Variants in SSBP3 observed in about 807,000 individuals in gnomAD.
The protein encoded by SSBP3 is single-stranded DNA-binding protein 3.
SSBP3 carries 5 observed loss-of-function variants against 69.6 expected under a neutral mutation model. That is an observed-to-expected ratio of 0.07 (90% CI 0.04 to 0.15). The LOEUF (loss-of-function observed/expected upper bound fraction) is 0.15, where lower values mean the gene tolerates loss of function less well. SSBP3 is among the 10% of genes least tolerant of loss of function. The pLI, the probability that SSBP3 is intolerant of heterozygous loss-of-function variation, is 1.00. For synonymous variants in SSBP3, 196 were observed against 193.4 expected, an observed-to-expected ratio of 1.01 and a Z score of -0.11; for missense variants, 312 against 534.0, an observed-to-expected ratio of 0.58 and a Z score of 4.10.
chr1:54,284,103 CTTTT>C (rs5774181), intron 4 of SSBP3, among the ~76,000 whole-genome samples: 24 of 87,568 alleles, frequency 2.7e-4, no homozygotes, highest in Middle Eastern at 8.1e-3. Flanking sequence ...TATTTAACCA[CTTTT>C]TTTTTTTTTT....
At chr1:54,339,305 T>C (rs1646565459) in intron 4 of SSBP3, among the ~76,000 whole-genome samples, 1 of 152,234 alleles carries the variant, frequency 6.6e-6, no homozygotes, top group South Asian at 2.1e-4. Flanking sequence ...GGATAATTGA[T>C]GCTGGACAGA....
chr1:54,231,597 C>T (rs766841899), intron 14 of SSBP3, among the ~76,000 whole-genome samples: 1 of 152,220 alleles, frequency 6.6e-6, no homozygotes, highest in African/African-American at 2.4e-5. Context: ...CTTTGCTTAA[C>T]TCAGGTCATG....
chr1:54,379,928 T>C (rs1217720815), intron 4 of SSBP3, among the ~76,000 whole-genome samples: 2 of 152,182 alleles, frequency 1.3e-5, no homozygotes, highest in Non-Finnish European at 2.9e-5. Context: ...TGCCTCACAC[T>C]GGGAGCGCAC....
chr1:54,247,408 T>G (rs1051956633), intron 9 of SSBP3, among the ~76,000 whole-genome samples: 3 of 152,192 alleles, frequency 2.0e-5, no homozygotes, highest in Non-Finnish European at 4.4e-5. Context: ...CCTGGCCATC[T>G]CATGCAGGAC....
intron 1 of SSBP3, 38 bp downstream of exon 1, chr1:54,405,915 G>T: frequency 2.0e-6 from 2 of 995,208 alleles, no homozygotes; most frequent in Non-Finnish European, 2.5e-6. Context: ...CCCGCAGCCC[G>T]GCGGCGGCGC....
At chr1:54,359,254 CAGT>C (rs1335565857) in intron 4 of SSBP3, among the ~76,000 whole-genome samples, 1 of 150,720 alleles carries the variant, frequency 6.6e-6, no homozygotes, top group Non-Finnish European at 1.5e-5. Flanking sequence ...GAAGTCTTCC[CAGT>C]TGGTGATGGT....
chr1:54,316,006 T>C (rs1417535012), intron 4 of SSBP3, among the ~76,000 whole-genome samples: 1 of 152,166 alleles, frequency 6.6e-6, no homozygotes, highest in African/African-American at 2.4e-5. Context: ...TTCAAGGGTT[T>C]TAGCAGGAGG....
intron 4 of SSBP3, among the ~76,000 whole-genome samples, chr1:54,391,864 G>T (rs970820654): frequency 2.0e-5 from 3 of 152,064 alleles, no homozygotes; most frequent in African/African-American, 4.8e-5. Flanking sequence ...CTCCACGGGG[G>T]GCAAGGAACC....
At chr1:54,240,114 G>A (rs766428463) in intron 13 of SSBP3, among the ~76,000 whole-genome samples, 2,594 of 8,454 alleles carry the variant, frequency 0.31, 89 homozygotes, top group Non-Finnish European at 0.41. Flanking sequence ...GCGTGCGCGC[G>A]CGCGCGCAAC....
At chr1:54,326,360 C>T (rs553135126) in intron 4 of SSBP3, 76 of 152,846 alleles carry the variant, frequency 5.0e-4, no homozygotes, top group Admixed American at 2.9e-3. Context: ...GGAATACCCT[C>T]CCGCATCCCT....
intron 14 of SSBP3, chr1:54,237,900 G>A (rs908693318): frequency 2.0e-5 from 7 of 347,954 alleles, no homozygotes; most frequent in African/African-American, 1.1e-4. Context: ...CAGCATCCAC[G>A]TCAGGCAACA....
intron 17 of SSBP3, 53 bp downstream of exon 17, chr1:54,228,202 A>G (rs978404222): frequency 1.3e-5 from 20 of 1,533,726 alleles, no homozygotes; most frequent in Non-Finnish European, 1.8e-5. Context: ...ACTTGTTAGG[A>G]AAGAGTCCCC....
intron 5 of SSBP3, among the ~76,000 whole-genome samples, chr1:54,275,213 C>T (rs1447266191): frequency 1.3e-5 from 2 of 152,236 alleles, no homozygotes; most frequent in African/African-American, 2.4e-5. Context: ...GCAAGCCCGT[C>T]CGGGTCTCAC....
intron 4 of SSBP3, among the ~76,000 whole-genome samples, chr1:54,385,116 G>C (rs1208165811): frequency 2.0e-5 from 3 of 152,218 alleles, no homozygotes; most frequent in African/African-American, 7.2e-5. Context: ...CCTAGATGAG[G>C]CCTGAGCACA....
chr1:54,387,628 T>C (rs1241247391), intron 4 of SSBP3, among the ~76,000 whole-genome samples: 1 of 152,222 alleles, frequency 6.6e-6, no homozygotes, highest in Non-Finnish European at 1.5e-5. Flanking sequence ...CTAACCAGCA[T>C]GATACAATCA....
intron 2 of SSBP3, 95 bp downstream of exon 2, chr1:54,404,763 G>A (rs1368704708): frequency 1.7e-6 from 2 of 1,194,926 alleles, no homozygotes; most frequent in Non-Finnish European, 2.4e-6. Flanking sequence ...AATTCAAAAT[G>A]GTGGCCACAG....
rs10525954 is a variant in SSBP3 at position 54,298,930 on chromosome 1, A to AACAC, written c.277-17407_277-17404dup. ...AGAGGCTCCAAAGTAACAAAAACAA[A>AACAC]ACACACACACACACACACACACACA... On this transcript the variant is annotated intron_variant, in intron 4 of 17. Transcript: ENST00000610401. Among the ~76,000 whole-genome samples the AACAC allele has an allele frequency of 4.2e-3, 579 of 137,270 alleles. 3 individuals are homozygous for AACAC. Among genetic ancestry groups the AACAC allele is most frequent in the African/African-American group, 9.5e-3 (348 of 36,488 alleles). 90.1% of individuals were successfully genotyped at this position (137,270 alleles called of 152,430 possible). A position where few individuals can be genotyped will look rare whatever the true frequency, so the allele number is the denominator to read the frequency against.
At chr1:54,364,637 G>C (rs1057474756) in intron 4 of SSBP3, among the ~76,000 whole-genome samples, 1 of 152,196 alleles carries the variant, frequency 6.6e-6, no homozygotes, top group Non-Finnish European at 1.5e-5. Context: ...AGGGGAAGAA[G>C]AGCACATGGG....
chr1:54,233,344 C>T (rs1372623868), intron 14 of SSBP3, among the ~76,000 whole-genome samples: 4 of 148,790 alleles, frequency 2.7e-5, no homozygotes, highest in Admixed American at 6.6e-5. Flanking sequence ...CGTCTCTGCC[C>T]GGCCGCCCCG....
Sources: allele counts gnomAD v4.1 joint callset (sites outside exome capture counted in the v4.1 genomes callset), GRCh38; gene constraint gnomAD v4.1.1; transcripts MANE v1.5; gene names NCBI Gene and HGNC (gene_info 2026-07-23, HGNC 2026-07-21).